The following ADAM18 variants were observed in gnomAD, a reference collection of about 807,000 sequenced individuals.
ADAM18 encodes ADAM metallopeptidase domain 18.
ADAM18 carries 117 observed loss-of-function variants against 94.4 expected under a neutral mutation model. The ratio of observed to expected loss-of-function variants is 1.24; its 90% CI spans 1.07 to 1.45. The LOEUF is 1.45. Ranked by LOEUF, ADAM18 falls within the 40% of genes most tolerant of loss-of-function variation. ADAM18 has a pLI of 0.00. For synonymous variants in ADAM18, 327 were observed against 291.6 expected (o/e 1.12, Z -1.24); for missense variants, 936 against 880.0 (o/e 1.06, Z -0.81).
In ADAM18 at chr8:39,622,459, C is replaced by G. The variant is rs575625424; in HGVS notation, c.523-6915C>G. Among the ~76,000 whole-genome samples the G allele has an allele frequency of 3.7e-4, 56 of 151,492 alleles. No individual in the cohort carries two copies. The South Asian group carries it at 0.01, about 28-fold the overall frequency. ...AGATGATATTGAAAAATATATTGCT[C>G]TAAAATATCAGAAATATAGCATTAG... On this transcript the variant is annotated intron_variant, in intron 6 of 19. Transcript: ENST00000265707.
At chr8:39,631,486 T>C (rs77430478) in intron 7 of ADAM18, among the ~76,000 whole-genome samples, 70 of 152,096 alleles carry the variant, frequency 4.6e-4, no homozygotes, top group African/African-American at 1.7e-3. Context: ...AAAAATTATG[T>C]AGTATAATTG....
intron 19 of ADAM18, among the ~76,000 whole-genome samples, chr8:39,724,361 G>C (rs758929813): frequency 6.6e-6 from 1 of 151,714 alleles, no homozygotes; most frequent in African/African-American, 2.4e-5. Context: ...AAAGTTATTC[G>C]TAGTATTTTC....
At chr8:39,652,024 G>T (rs1351839353) in intron 12 of ADAM18, among the ~76,000 whole-genome samples, 6 of 151,900 alleles carry the variant, frequency 3.9e-5, no homozygotes, top group Non-Finnish European at 8.8e-5. Flanking sequence ...TTAGACTCTT[G>T]TCTCACAAAA....
intron 18 of ADAM18, among the ~76,000 whole-genome samples, chr8:39,709,156 G>T (rs967608000): frequency 1.3e-5 from 2 of 152,208 alleles, no homozygotes; most frequent in African/African-American, 4.8e-5. Flanking sequence ...TATGGTAAAT[G>T]CAGGGGATTT....
intron 12 of ADAM18, among the ~76,000 whole-genome samples, chr8:39,659,964 C>T (rs1260269993): frequency 6.6e-6 from 1 of 152,038 alleles, no homozygotes; most frequent in Non-Finnish European, 1.5e-5. Flanking sequence ...TTTTTAAAGA[C>T]ATTTAAACTG....
chr8:39,648,163 T>C (rs1820436398), intron 11 of ADAM18, among the ~76,000 whole-genome samples, 181 bp from the exon 12 acceptor site: 1 of 152,200 alleles, frequency 6.6e-6, no homozygotes, highest in African/African-American at 2.4e-5. Flanking sequence ...TTTAATGCAA[T>C]TTTTTAAGAG....
At chr8:39,696,175 G>A (rs933131169) in intron 17 of ADAM18, among the ~76,000 whole-genome samples, 12 of 151,114 alleles carry the variant, frequency 7.9e-5, no homozygotes, top group East Asian at 1.9e-4. Context: ...TCCCTTATTG[G>A]CAATCCATAT....
At chr8:39,627,234 G>A (rs1042921024) in intron 6 of ADAM18, among the ~76,000 whole-genome samples, 1 of 152,096 alleles carries the variant, frequency 6.6e-6, no homozygotes, top group South Asian at 2.1e-4. Context: ...ACATGGCTGG[G>A]GAGACCTCAC....
chr8:39,656,506 G>A (rs1180222625), intron 12 of ADAM18, among the ~76,000 whole-genome samples: 2 of 151,868 alleles, frequency 1.3e-5, no homozygotes, highest in Non-Finnish European at 2.9e-5. Flanking sequence ...ATGTGTAAAG[G>A]TAAAAAAACA....
intron 14 of ADAM18, among the ~76,000 whole-genome samples, chr8:39,669,206 T>C (rs1219017172): frequency 6.6e-6 from 1 of 151,648 alleles, no homozygotes; most frequent in Non-Finnish European, 1.5e-5. Flanking sequence ...CTTTTATTTT[T>C]TAATTAAAAA....
chr8:39,592,452 A>G (rs1159900073), intron 2 of ADAM18, among the ~76,000 whole-genome samples: 1 of 152,168 alleles, frequency 6.6e-6, no homozygotes, highest in African/African-American at 2.4e-5. Context: ...ATGTCCACCA[A>G]CAGTTCACTG....
At chr8:39,668,248 A>G in intron 14 of ADAM18, 52 bp downstream of exon 14, 1 of 1,543,574 alleles carries the variant, frequency 6.5e-7, no homozygotes, top group Non-Finnish European at 9.0e-7. Context: ...ATCTCTCTGT[A>G]GAGTACATTA....
rs1244714676 is a variant in ADAM18 at position 39,645,268 on chromosome 8, T to TA, written c.910-65dup. The TA allele has an allele frequency of 3.6e-5, 49 of 1,345,942 alleles. No individual in the cohort carries two copies. The South Asian group carries it at 4.2e-4, about 12-fold the overall frequency. The allele number at this position is 1,345,942 out of a possible 1,614,324, so 83.4% of individuals were successfully genotyped here. A position where few individuals can be genotyped will look rare whatever the true frequency, so the allele number is the denominator to read the frequency against. ...ATTAAAATAGAAAATATGATAGGAG[T>TA]AAAAATATTTCAAGTTATTACTTTT... On this transcript the variant is annotated intron_variant, in intron 10 of 19. Transcript: ENST00000265707.
At chr8:39,661,621 G>A (rs1278041997) in intron 12 of ADAM18, among the ~76,000 whole-genome samples, 5 of 151,890 alleles carry the variant, frequency 3.3e-5, no homozygotes, top group Admixed American at 2.6e-4. Flanking sequence ...ACCATGCCAA[G>A]ACTATAAAAC....
chr8:39,678,374 C>T (rs1296653032), intron 15 of ADAM18, among the ~76,000 whole-genome samples: 1 of 152,172 alleles, frequency 6.6e-6, no homozygotes, highest in African/African-American at 2.4e-5. Flanking sequence ...TATCCTCCAT[C>T]ACCCTCCTCC....
intron 12 of ADAM18, among the ~76,000 whole-genome samples, chr8:39,658,242 G>A (rs1268230282): frequency 6.6e-6 from 1 of 152,120 alleles, no homozygotes; most frequent in African/African-American, 2.4e-5. Context: ...TCCTCTCAAA[G>A]TTGCCCCCAT....
At chr8:39,673,465 C>T (rs1286137225) in intron 14 of ADAM18, among the ~76,000 whole-genome samples, 1 of 152,046 alleles carries the variant, frequency 6.6e-6, no homozygotes, top group Non-Finnish European at 1.5e-5. Context: ...TATCCCTCTC[C>T]CCACACCCCA....
At chr8:39,640,867 G>T (rs1229061380) in intron 10 of ADAM18, among the ~76,000 whole-genome samples, 3 of 147,208 alleles carry the variant, frequency 2.0e-5, no homozygotes, top group Middle Eastern at 3.4e-3. Flanking sequence ...CTTTGTAATG[G>T]TTTTTTTTTT....
intron 18 of ADAM18, among the ~76,000 whole-genome samples, chr8:39,711,644 A>G (rs533693592): frequency 6.6e-6 from 1 of 152,264 alleles, no homozygotes; most frequent in Non-Finnish European, 1.5e-5. Flanking sequence ...TTTAAAAGTG[A>G]ATTTGGGCAG....
Sources: gnomAD v4.1 joint callset for allele counts (sites outside exome capture counted in the v4.1 genomes callset) on GRCh38, gnomAD v4.1.1 for gene constraint, MANE v1.5 for transcripts, NCBI Gene and HGNC (gene_info 2026-07-23, HGNC 2026-07-21) for gene names.